Variants in CUBN observed in about 807,000 individuals in gnomAD.
CUBN encodes the protein cubilin.
CUBN carries 282 observed loss-of-function variants against 405.3 expected under a neutral mutation model. That is an observed-to-expected ratio of 0.70 (90% CI 0.63 to 0.77). CUBN has a LOEUF of 0.77. Ranked by LOEUF, CUBN falls within the 30% of genes least tolerant of loss-of-function variation. The pLI is 0.00. For synonymous variants in CUBN, 1,684 were observed against 1,617.0 expected, an observed-to-expected ratio of 1.04 and a Z score of -0.99; for missense variants, 4,514 against 4,475.2, an observed-to-expected ratio of 1.01 and a Z score of -0.25.
At position 17,127,894 on chromosome 10, in the gene CUBN, A is replaced by C. The variant is rs764170174; in HGVS notation, c.283T>G (p.Leu95Val). The C allele has an allele frequency of 1.9e-5, 30 of 1,610,576 alleles. No homozygotes were observed. The highest frequency in any genetic ancestry group is 2.5e-5 in the Non-Finnish European group (29 of 1,177,306). The change falls in exon 3 of 67, where the codon TTA (leucine) becomes GTA (valine). Residue 95 changes from leucine to valine, a missense_variant. Physicochemically the swap from Leu to Val is conservative, Grantham distance 32. Transcript: ENST00000377833. Reference protein sequence around the residue: ...IQKNKEDIIELKGSAIGLPQN... With the variant: ...IQKNKEDIIEVKGSAIGLPQN... ...GGCAGACCAATTGCACTCCCTTTTA[A>C]CTCTATAATATCTTCTTTGTTTTTC...
intron 45 of CUBN, among the ~76,000 whole-genome samples, chr10:16,916,994 A>C (rs1197641527): frequency 6.6e-6 from 1 of 151,566 alleles, no homozygotes; most frequent in Non-Finnish European, 1.5e-5. Context: ...TTGTATTTTT[A>C]GTGGAGACAG....
chr10:17,062,065 C>T (rs1835516404), intron 22 of CUBN, among the ~76,000 whole-genome samples: 1 of 152,180 alleles, frequency 6.6e-6, no homozygotes, highest in Admixed American at 6.5e-5. Flanking sequence ...ACGTTAGCCA[C>T]CCATGCGCGG....
chr10:16,958,507 C>T (rs1564447347), intron 31 of CUBN, among the ~76,000 whole-genome samples: 5 of 152,090 alleles, frequency 3.3e-5, no homozygotes, highest in Admixed American at 2.0e-4. Flanking sequence ...TCATGGGTGA[C>T]AGAGTGAGAC....
intron 17 of CUBN, among the ~76,000 whole-genome samples, chr10:17,083,350 G>A (rs1836013872): frequency 6.6e-6 from 1 of 151,772 alleles, no homozygotes; most frequent in Non-Finnish European, 1.5e-5. Flanking sequence ...TACTAAAAAT[G>A]CAAAATTAGC....
chr10:16,851,904 G>C (rs1342440657), intron 59 of CUBN, among the ~76,000 whole-genome samples: 824 of 15,070 alleles, frequency 0.055, no homozygotes, highest in Admixed American at 0.086. Context: ...TTCCCTCCCT[G>C]ACTCTATCTT....
intron 19 of CUBN, among the ~76,000 whole-genome samples, chr10:17,069,732 T>TG (rs772836783): frequency 1.3e-5 from 2 of 152,058 alleles, no homozygotes; most frequent in South Asian, 2.1e-4. Context: ...TTTGTAGAGA[T>TG]GGGGTCTCAC....
chr10:16,905,390 C>G (rs112267464), intron 50 of CUBN, among the ~76,000 whole-genome samples: 1 of 152,138 alleles, frequency 6.6e-6, no homozygotes, highest in African/African-American at 2.4e-5. Flanking sequence ...TTTTCCATCA[C>G]GAAAACCAAG....
chr10:16,867,214 G>A (rs1254343695), intron 59 of CUBN, among the ~76,000 whole-genome samples: 1 of 152,114 alleles, frequency 6.6e-6, no homozygotes, highest in Non-Finnish European at 1.5e-5. Flanking sequence ...TCCACTATCT[G>A]GTCCACAAAG....
chr10:16,887,786 G>A (rs1209974777), intron 56 of CUBN, among the ~76,000 whole-genome samples: 1 of 152,172 alleles, frequency 6.6e-6, no homozygotes, highest in Non-Finnish European at 1.5e-5. Flanking sequence ...CGTGTTCATT[G>A]CAGCATGATT....
chr10:17,040,349 T>C (rs1374473264), intron 27 of CUBN, among the ~76,000 whole-genome samples: 1 of 152,206 alleles, frequency 6.6e-6, no homozygotes, highest in Non-Finnish European at 1.5e-5. Context: ...CTCAAAAAGT[T>C]ATTTTACTGA....
intron 60 of CUBN, among the ~76,000 whole-genome samples, chr10:16,846,059 G>C (rs1167096578): frequency 6.6e-6 from 1 of 152,176 alleles, no homozygotes; most frequent in African/African-American, 2.4e-5. Context: ...TTTGATCCCA[G>C]AACCTAAGTC....
chr10:17,126,946 C>T, intron 3 of CUBN, 147 bp from the exon 4 acceptor site: 1 of 807,802 alleles, frequency 1.2e-6, no homozygotes, highest in South Asian at 1.5e-5. Flanking sequence ...CTCTTCATTC[C>T]TCTCCCCTCA....
At chr10:17,039,960 A>C (rs1182998095) in intron 27 of CUBN, among the ~76,000 whole-genome samples, 1 of 152,228 alleles carries the variant, frequency 6.6e-6, no homozygotes, top group Non-Finnish European at 1.5e-5. Context: ...TCATAAACAA[A>C]AGTGCTATTT....
At chr10:16,958,420 G>T (rs1227321154) in intron 31 of CUBN, among the ~76,000 whole-genome samples, 1 of 152,162 alleles carries the variant, frequency 6.6e-6, no homozygotes, top group Admixed American at 6.5e-5. Flanking sequence ...CAGCTACTCA[G>T]GAGGCTGAGG....
intron 13 of CUBN, among the ~76,000 whole-genome samples, chr10:17,101,256 T>C (rs1196790451): frequency 6.6e-6 from 1 of 152,180 alleles, no homozygotes; most frequent in Non-Finnish European, 1.5e-5. Context: ...TGAGAAGATA[T>C]GAAATCACAA....
At chr10:16,997,682 G>A (rs1447878212) in intron 28 of CUBN, among the ~76,000 whole-genome samples, 2 of 152,202 alleles carry the variant, frequency 1.3e-5, no homozygotes, top group African/African-American at 2.4e-5. Context: ...TCAGGTCAGG[G>A]AGGGTGGGGA....
At chr10:16,871,635 A>G (rs1449344128) in intron 58 of CUBN, among the ~76,000 whole-genome samples, 1 of 152,168 alleles carries the variant, frequency 6.6e-6, no homozygotes, top group Non-Finnish European at 1.5e-5. Context: ...AATTTCCAAC[A>G]ACACTGTATT....
At chr10:16,924,313 A>G (rs1238834703) in intron 43 of CUBN, among the ~76,000 whole-genome samples, 1 of 152,086 alleles carries the variant, frequency 6.6e-6, no homozygotes, top group African/African-American at 2.4e-5. Context: ...GCTGCATTAA[A>G]GCTCCCTCCT....
Position 16,866,198 on chromosome 10 carries a change from A to C in CUBN, c.9454+3438T>G, listed in dbSNP as rs566527802. Among the ~76,000 whole-genome samples, 231 of 152,316 alleles carry C rather than the reference A, an allele frequency of 1.5e-3. 1 individual carries two copies. The highest frequency in any genetic ancestry group is 5.4e-3 in the African/African-American group (226 of 41,570). On this transcript the variant is annotated intron_variant, in intron 59 of 66. Transcript: ENST00000377833. The stretch of plus-strand genomic sequence containing the variant: ...TCATTTTAGAAAAAAAAAATGAAAC[A>C]ATGATGCTACTGCACAGTAAATAAA...
Sources: allele counts gnomAD v4.1 joint callset (sites outside exome capture counted in the v4.1 genomes callset), GRCh38; gene constraint gnomAD v4.1.1; transcripts MANE v1.5; gene names NCBI Gene and HGNC (gene_info 2026-07-23, HGNC 2026-07-21).